Variants in ZBTB7A observed in about 807,000 individuals in gnomAD.
The protein encoded by ZBTB7A is zinc finger and BTB domain containing 7A, also known as zinc finger and BTB domain-containing protein 7A.
Under a neutral mutation model 26.7 loss-of-function variants are expected in ZBTB7A, and 7 were observed. That is an observed-to-expected ratio of 0.26 (90% CI 0.15 to 0.49). ZBTB7A has a LOEUF of 0.49. Among genes scored for constraint, ZBTB7A ranks in the 20% least tolerant of loss-of-function variants. The probability of loss-of-function intolerance (pLI) is 0.98; values close to 1 mark genes in which losing one functional copy is unlikely to be tolerated. For synonymous variants in ZBTB7A, 452 were observed against 441.0 expected (o/e 1.02, Z -0.31); for missense variants, 617 against 919.5 (o/e 0.67, Z 4.25).
At chr19:4,060,874 C>T (rs994193673) in intron 1 of ZBTB7A, among the ~76,000 whole-genome samples, 1 of 152,202 alleles carries the variant, frequency 6.6e-6, no homozygotes, top group Admixed American at 6.5e-5. Context: ...GGGCCCCCAC[C>T]CAACCCTCTG....
chr19:4,046,233 G>A lies in ZBTB7A; in HGVS notation c.*1519C>T, dbSNP rs1217025664. On this transcript the variant is annotated 3_prime_UTR_variant, in exon 3 of 3. Coordinates refer to ENST00000322357, the MANE Select transcript of ZBTB7A (RefSeq NM_015898.4). ...CTGCCTTCGAGGCTGACGTCTGGGG[G>A]TGAAGCACAAACACCTCGGGGCGTC... is the stretch of plus-strand genomic sequence containing the variant. 5.0e-6 allele frequency: 2 copies of A among 396,272 alleles called. No individual in the cohort carries two copies. Among genetic ancestry groups the A allele is most frequent in the Non-Finnish European group, 8.9e-6 (2 of 224,946 alleles). The allele number at this position is 396,272 out of a possible 1,614,324, so 24.5% of individuals were successfully genotyped here.
chr19:4,061,207 C>T (rs2040634469), intron 1 of ZBTB7A, among the ~76,000 whole-genome samples: 1 of 152,196 alleles, frequency 6.6e-6, no homozygotes, highest in African/African-American at 2.4e-5. Context: ...GAATGCTATT[C>T]CGGGAATTCA....
intron 1 of ZBTB7A, among the ~76,000 whole-genome samples, chr19:4,056,006 T>A (rs999257213): frequency 1.3e-5 from 2 of 151,966 alleles, no homozygotes; most frequent in African/African-American, 4.8e-5. Context: ...CCAAGTGCAG[T>A]CAAATGTCCT....
rs1422086060 is a variant in ZBTB7A, at chr19:4,048,413, C to G, written c.1263-169G>C. On this transcript the variant is annotated intron_variant, in intron 2 of 2. Coordinates refer to ENST00000322357, the MANE Select transcript of ZBTB7A (RefSeq NM_015898.4). This position sits in a 1 kb window ranked among gnomAD's most constrained non-coding sequence, Gnocchi z 6.7. ...GGGGACGGTCCCTCGAAAAACGAGA[C>G]GAGTGGGGGCGATTTCGCATTCTGA... 6.6e-6 allele frequency among the ~76,000 whole-genome samples: 1 copy of G among 152,202 alleles called. No individual in the cohort carries two copies. Among genetic ancestry groups the G allele is most frequent in the Admixed American group, 6.5e-5 (1 of 15,284 alleles).
chr19:4,065,326 C>T (rs1332277382), intron 1 of ZBTB7A: 2 of 146,204 alleles, frequency 1.4e-5, no homozygotes, highest in Non-Finnish European at 3.0e-5. Context: ...GAGTCAGGCC[C>T]GGGCGGGGGC....
At chr19:4,056,332 C>T (rs2144997113) in intron 1 of ZBTB7A, among the ~76,000 whole-genome samples, 1 of 152,350 alleles carries the variant, frequency 6.6e-6, no homozygotes, top group South Asian at 2.1e-4. Context: ...TCTGTCTCAT[C>T]AGCGTGAGAT....
Position 4,054,682 on chromosome 19 carries a change from G to T in ZBTB7A, c.551C>A (p.Pro184Gln). Reference protein sequence around the residue: ...PAAAAAAASFPWSAFGASDDD... With the variant: ...PAAAAAAASFQWSAFGASDDD... ...ATCGGACGCCCCAAAGGCGGACCACGGGAAGCTGGCAGCGGCGGCGGCGGC... is the reference window on the plus strand; with the variant it reads ...ATCGGACGCCCCAAAGGCGGACCACTGGAAGCTGGCAGCGGCGGCGGCGGC... The change falls in exon 2 of 3, where the codon CCG (proline) becomes CAG (glutamine). Residue 184 changes from proline (P) to glutamine (Q), a missense_variant. Pro to Gln is a moderately conservative substitution (Grantham distance 76). Transcript: ENST00000322357. The T allele has an allele frequency of 1.3e-6, 2 of 1,595,888 alleles. No homozygotes were observed. The highest frequency in any genetic ancestry group is 1.7e-6 in the Non-Finnish European group (2 of 1,171,576).
chr19:4,066,103 G>A (rs1182724443), intron 1 of ZBTB7A, among the ~76,000 whole-genome samples: 1 of 149,946 alleles, frequency 6.7e-6, no homozygotes, highest in Non-Finnish European at 1.5e-5. Flanking sequence ...GAGGGACTAC[G>A]AAGCCCAGAG....
Position 4,047,768 on chromosome 19 carries a change from G to A in ZBTB7A, c.1739C>T (p.Thr580Ile). 6.2e-7 allele frequency: 1 copy of A among 1,600,838 alleles called. No homozygotes were observed. Among genetic ancestry groups the A allele is most frequent in the Non-Finnish European group, 8.5e-7 (1 of 1,174,166 alleles). Residue 580 changes from threonine (T) to isoleucine (I), a missense_variant, in exon 3 of 3, where the codon ACA becomes ATA. Thr to Ile is a moderately conservative substitution (Grantham distance 89). This residue lies in a region of ZBTB7A where 136 missense variants were observed against 126.6 expected (regional missense o/e 1.07). Transcript: ENST00000322357. The stretch of plus-strand genomic sequence containing the variant: ...TTTTGGTTTTTAGGCGAGTCCGGCT[G>A]TGAAGTTACCGTCGGTGGCGGCCCC... The part of the protein sequence containing the change: ...GPGAATDGNF[T>I]AGLA
At position 4,047,714 on chromosome 19, in the gene ZBTB7A, T is replaced by TCAGA; in HGVS notation, c.*37_*38insTCTG. On this transcript the variant is annotated 3_prime_UTR_variant, in exon 3 of 3. Transcript: ENST00000322357. ...GTGATTTTTTTTCTCTCTCTCTGTCTCTCTCTTTCTCGGGTTTCTGTTTTC... is the reference window on the plus strand; with the variant it reads ...GTGATTTTTTTTCTCTCTCTCTGTCTCAGACTCTCTTTCTCGGGTTTCTGTTTTC... 1.3e-6 allele frequency: 2 copies of TCAGA among 1,572,594 alleles called. No individual in the cohort carries two copies. The highest frequency in any genetic ancestry group is 1.7e-6 in the Non-Finnish European group (2 of 1,162,868).
rs2040370663 is a variant in ZBTB7A at position 4,043,474 on chromosome 19, T to C, written c.*4278A>G. ...TATCAGTTTTTTTTTTTTTTAAATC[T>C]CCCACACTTTATAAAGACTCTCAAT... On this transcript the variant is annotated 3_prime_UTR_variant, in exon 3 of 3. Coordinates refer to ENST00000322357, the MANE Select transcript of ZBTB7A (RefSeq NM_015898.4). 6.7e-6 allele frequency among the ~76,000 whole-genome samples: 1 copy of C among 148,614 alleles called. No homozygotes were observed. Among genetic ancestry groups the C allele is most frequent in the Admixed American group, 6.7e-5 (1 of 14,984 alleles).
intron 1 of ZBTB7A, among the ~76,000 whole-genome samples, chr19:4,064,911 C>G (rs1404628251): frequency 6.6e-6 from 1 of 151,866 alleles, no homozygotes; most frequent in Non-Finnish European, 1.5e-5. Context: ...GGACAGCAAC[C>G]TCCCGCCGCG....
chr19:4,065,883 G>T (rs2040691127), intron 1 of ZBTB7A, among the ~76,000 whole-genome samples: 1 of 144,122 alleles, frequency 6.9e-6, no homozygotes, highest in South Asian at 2.1e-4. Flanking sequence ...CCCGGCGAGG[G>T]GAGCCCGGCT....
At position 4,054,194 on chromosome 19, in the gene ZBTB7A, C is replaced by T. The variant is rs774623671; in HGVS notation, c.1039G>A (p.Gly347Ser). 1.3e-6 allele frequency: 2 copies of T among 1,592,710 alleles called. No individual in the cohort carries two copies. Among genetic ancestry groups the T allele is most frequent in the South Asian group, 2.2e-5 (2 of 90,556 alleles). The stretch of plus-strand genomic sequence containing the variant: ...TACTTCAGGTAGTAGTCCATGACGC[C>T]CTTGTCGTCGGCCCGCGACTCCTCG... ...SDEESRADDK[G>S]VMDYYLKYFS... The change falls in exon 2 of 3, where the codon GGC (glycine) becomes AGC (serine). Residue 347 changes from glycine (G) to serine (S), a missense_variant. Physicochemically the swap from Gly to Ser is moderately conservative, Grantham distance 56 (BLOSUM62 0). Around this residue, in one of 5 missense-constraint regions of ZBTB7A, gnomAD observed 331 missense variants for 391.3 expected, o/e 0.85. Coordinates refer to ENST00000322357, the MANE Select transcript of ZBTB7A (RefSeq NM_015898.4).
rs1421355817 is a variant in ZBTB7A, at chr19:4,044,788, T to C, written c.*2964A>G. On this transcript the variant is annotated 3_prime_UTR_variant, in exon 3 of 3. Transcript: ENST00000322357. ...CAAAAAAGCTTTGAGCTGTGTCCTT[T>C]CATATGGAGTCAACACGACCCTCCT... The C allele has an allele frequency of 6.6e-6, 1 of 151,360 alleles. No individual in the cohort carries two copies. Among genetic ancestry groups the C allele is most frequent in the African/African-American group, 2.4e-5 (1 of 41,228 alleles). 9.4% of individuals were successfully genotyped at this position (151,360 alleles called of 1,614,324 possible).
At chr19:4,066,642 C>G (rs1360956063) in intron 1 of ZBTB7A, 40 bp downstream of exon 1, 1 of 151,498 alleles carries the variant, frequency 6.6e-6, no homozygotes, top group African/African-American at 2.4e-5. Context: ...CGTCCCCGCC[C>G]TGCACCCCGT....
Position 4,048,806 on chromosome 19 carries a change from T to C in ZBTB7A, c.1263-562A>G, listed in dbSNP as rs546965581. 1.4e-4 allele frequency among the ~76,000 whole-genome samples: 21 copies of C among 151,078 alleles called. No homozygotes were observed. The highest frequency in any genetic ancestry group is 1.4e-3 in the Admixed American group (21 of 15,194). Reference sequence around the variant, plus strand: ...AGGTGGAGGTTGCAGTGAAACTCCGTCTCAAAAAAAAAAATTTCACTTTTT... The same window carrying C: ...AGGTGGAGGTTGCAGTGAAACTCCGCCTCAAAAAAAAAAATTTCACTTTTT... On this transcript the variant is annotated intron_variant, in intron 2 of 2. Transcript: ENST00000322357. This position sits in a 1 kb window ranked among gnomAD's most constrained non-coding sequence, Gnocchi z 6.7.
At chr19:4,053,907 G>A (rs1447087319) in intron 2 of ZBTB7A, 64 bp downstream of exon 2, 1 of 1,521,332 alleles carries the variant, frequency 6.6e-7, no homozygotes, top group East Asian at 2.3e-5. Flanking sequence ...GGCGGGAGGG[G>A]TCGTGAGCGG....
At chr19:4,066,429 G>C (rs1184032329) in intron 1 of ZBTB7A, among the ~76,000 whole-genome samples, 3 of 150,504 alleles carry the variant, frequency 2.0e-5, no homozygotes, top group South Asian at 2.1e-4. Flanking sequence ...CCCGGGTTGG[G>C]GGGGGCTGGC....
Sources: gnomAD v4.1 joint callset for allele counts (sites outside exome capture counted in the v4.1 genomes callset) on GRCh38, gnomAD v4.1.1 for gene constraint, gnomAD v4.1.1 regional missense constraint, Gnocchi (gnomAD v3.1) non-coding constraint, MANE v1.5 for transcripts, NCBI Gene and HGNC (gene_info 2026-07-23, HGNC 2026-07-21) for gene names.